The following DIAPH2 variants were observed in gnomAD, a reference collection of about 807,000 sequenced individuals.
The protein encoded by DIAPH2 is diaphanous related formin 2.
Under a neutral mutation model 92.7 loss-of-function variants are expected in DIAPH2, and 35 were observed. That is an observed-to-expected ratio of 0.38 (90% CI 0.29 to 0.50). DIAPH2 has a LOEUF of 0.50. Ranked by LOEUF, DIAPH2 falls within the 20% of genes least tolerant of loss-of-function variation. The pLI, the probability that DIAPH2 is intolerant of heterozygous loss-of-function variation, is 0.94. For missense variants in DIAPH2, 701 were observed against 819.5 expected (o/e 0.86, Z 1.77); for synonymous variants, 301 against 280.4 (o/e 1.07, Z -0.73).
intron 17 of DIAPH2, among the ~76,000 whole-genome samples, chrX:97,047,542 CTTTTTTTT>C (rs5903064): frequency 1.0e-4 from 3 of 30,101 alleles, no homozygotes; most frequent in African/African-American, 4.7e-4. Context: ...ATAAAATAGG[CTTTTTTTT>C]TTTTTTTTTT....
At chrX:97,293,793 G>T (rs2068619854) in intron 23 of DIAPH2, among the ~76,000 whole-genome samples, 1 of 111,318 alleles carries the variant, frequency 9.0e-6, no homozygotes, top group Admixed American at 9.6e-5. Flanking sequence ...TAATAGTCTT[G>T]GTTTCACATT....
chrX:97,287,952 C>CAAAAAAAAAAAAAAAAAAA (rs748309881), intron 23 of DIAPH2, among the ~76,000 whole-genome samples: 4 of 39,782 alleles, frequency 1.0e-4, no homozygotes, highest in African/African-American at 4.4e-4. Flanking sequence ...GACTCTGTCT[C>CAAAAAAAAAAAAAAAAAAA]AAAAAAAAAA....
chrX:97,058,295 CTCCT>C (rs2066571682), intron 17 of DIAPH2, among the ~76,000 whole-genome samples: 2 of 110,997 alleles, frequency 1.8e-5, no homozygotes, highest in Non-Finnish European at 3.8e-5. Flanking sequence ...CACTTTTTGT[CTCCT>C]TCACACTATA....
intron 26 of DIAPH2, among the ~76,000 whole-genome samples, chrX:97,476,926 A>AG: frequency 1.1e-5 from 1 of 88,777 alleles, no homozygotes; most frequent in Admixed American, 1.3e-4. Flanking sequence ...CCTGGGCAAC[A>AG]AGAGCAAAAC....
intron 23 of DIAPH2, among the ~76,000 whole-genome samples, chrX:97,289,373 A>C (rs1193841023): frequency 8.9e-6 from 1 of 111,977 alleles, no homozygotes; most frequent in Non-Finnish European, 1.9e-5. Flanking sequence ...AAATGGTGTC[A>C]TGTTTATGTC....
chrX:96,763,993 G>A (rs1602488675), intron 4 of DIAPH2, among the ~76,000 whole-genome samples: 1 of 103,700 alleles, frequency 9.6e-6, no homozygotes, highest in African/African-American at 3.6e-5. Flanking sequence ...TTAAATTCAC[G>A]AGACATCTAG....
intron 26 of DIAPH2, among the ~76,000 whole-genome samples, chrX:97,557,112 G>T (rs1460892151): frequency 8.9e-6 from 1 of 112,112 alleles, no homozygotes. Flanking sequence ...AAAAGACTTT[G>T]TATCTTTCAA....
chrX:96,893,210 C>T (rs779793011), intron 5 of DIAPH2, among the ~76,000 whole-genome samples: 1 of 111,326 alleles, frequency 9.0e-6, no homozygotes, highest in South Asian at 3.8e-4. Flanking sequence ...GGTAAAAATG[C>T]CAAGCTCCAA....
intron 4 of DIAPH2, among the ~76,000 whole-genome samples, chrX:96,820,496 C>T (rs1281924278): frequency 9.0e-6 from 1 of 111,581 alleles, no homozygotes; most frequent in Non-Finnish European, 1.9e-5. Flanking sequence ...AAAAGAAATA[C>T]AGTTTGTTGA....
chrX:97,157,025 T>C (rs924847533), intron 22 of DIAPH2, among the ~76,000 whole-genome samples: 103 of 111,451 alleles, frequency 9.2e-4, no homozygotes, highest in Non-Finnish European at 1.6e-3. Context: ...AAATTAATAA[T>C]GTTTACTGGC....
chrX:97,493,363 G>T (rs1426973155), intron 26 of DIAPH2, among the ~76,000 whole-genome samples: 1 of 111,178 alleles, frequency 9.0e-6, no homozygotes, highest in Non-Finnish European at 1.9e-5. Context: ...CCGGGTTCAA[G>T]CTATTCTCCT....
chrX:96,903,006 C>T (rs751873825), intron 5 of DIAPH2, among the ~76,000 whole-genome samples: 1 of 111,104 alleles, frequency 9.0e-6, no homozygotes, highest in South Asian at 3.8e-4. Flanking sequence ...AGCTATCACA[C>T]TCTGTAATAA....
intron 26 of DIAPH2, among the ~76,000 whole-genome samples, chrX:97,443,297 C>T (rs957307360): frequency 2.7e-5 from 3 of 111,657 alleles, no homozygotes; most frequent in Non-Finnish European, 3.8e-5. Flanking sequence ...TCACCTATTC[C>T]GGGAAGCCTT....
At chrX:96,927,188 A>G (rs2065588091) in intron 9 of DIAPH2, among the ~76,000 whole-genome samples, 1 of 110,107 alleles carries the variant, frequency 9.1e-6, no homozygotes, top group African/African-American at 3.3e-5. Flanking sequence ...CTAGGTTTTC[A>G]GTTTCTTTAC....
chrX:97,153,437 T>C (rs1011044217), intron 22 of DIAPH2, among the ~76,000 whole-genome samples: 1 of 109,794 alleles, frequency 9.1e-6, no homozygotes. Context: ...ACAAAAAAAT[T>C]AGCCGGGCGA....
chrX:97,030,929 G>A (rs2066369322), intron 17 of DIAPH2, among the ~76,000 whole-genome samples: 2 of 111,771 alleles, frequency 1.8e-5, no homozygotes, highest in African/African-American at 6.5e-5. Flanking sequence ...ATAATTGTAA[G>A]CCAATAACTA....
chrX:97,318,417 G>A (rs747546205), intron 23 of DIAPH2, among the ~76,000 whole-genome samples: 3 of 106,678 alleles, frequency 2.8e-5, no homozygotes, highest in Admixed American at 1.0e-4. Context: ...GATTACAAGC[G>A]TGAGCCACAA....
chrX:97,420,511 A>G (rs749211152), intron 25 of DIAPH2, among the ~76,000 whole-genome samples: 1 of 112,063 alleles, frequency 8.9e-6, no homozygotes, highest in Admixed American at 9.5e-5. Flanking sequence ...TATGAAGTTT[A>G]TCTGGGATTT....
At chrX:97,220,686 G>A (rs2067917792) in intron 22 of DIAPH2, among the ~76,000 whole-genome samples, 1 of 111,909 alleles carries the variant, frequency 8.9e-6, no homozygotes, top group Non-Finnish European at 1.9e-5. Context: ...CTAACATGCT[G>A]TGCCAATTTT....
Sources: gnomAD v4.1 joint callset for allele counts (sites outside exome capture counted in the v4.1 genomes callset) on GRCh38, gnomAD v4.1.1 for gene constraint, MANE v1.5 for transcripts, NCBI Gene and HGNC (gene_info 2026-07-23, HGNC 2026-07-21) for gene names.